The following DOCK3 variants were observed in gnomAD, a reference collection of about 807,000 sequenced individuals.
DOCK3 encodes dedicator of cytokinesis 3.
Under a neutral mutation model 265.6 loss-of-function variants are expected in DOCK3, and 60 were observed. The ratio of observed to expected loss-of-function variants is 0.23; its 90% CI spans 0.18 to 0.28. The LOEUF (loss-of-function observed/expected upper bound fraction) is 0.28. DOCK3 is among the 10% of genes least tolerant of loss of function. The pLI is 1.00. For synonymous variants in DOCK3, 881 were observed against 938.0 expected (o/e 0.94, Z 1.11); for missense variants, 1,981 against 2,594.3 (o/e 0.76, Z 5.14).
intron 44 of DOCK3, among the ~76,000 whole-genome samples, chr3:51,357,464 G>A (rs970007291): frequency 6.6e-6 from 1 of 152,182 alleles, no homozygotes. Context: ...TGGATAAGAG[G>A]CTAGCCCCTA....
At chr3:51,098,325 G>A (rs2082947189) in intron 9 of DOCK3, among the ~76,000 whole-genome samples, 1 of 152,208 alleles carries the variant, frequency 6.6e-6, no homozygotes, top group African/African-American at 2.4e-5. Flanking sequence ...AAAATGTTGG[G>A]ATTACAGGTG....
At chr3:50,693,003 G>A (rs538162707) in intron 1 of DOCK3, among the ~76,000 whole-genome samples, 16 of 152,122 alleles carry the variant, frequency 1.1e-4, no homozygotes, top group Admixed American at 2.6e-4. Context: ...TCATTAAATG[G>A]TCTTGGCACC....
intron 22 of DOCK3, among the ~76,000 whole-genome samples, chr3:51,259,095 G>A (rs900400762): frequency 6.6e-6 from 1 of 152,080 alleles, no homozygotes; most frequent in African/African-American, 2.4e-5. Flanking sequence ...TAGAACAGAG[G>A]GTGTAGCATT....
chr3:50,812,347 C>T (rs1299281013), intron 2 of DOCK3, among the ~76,000 whole-genome samples: 1 of 152,136 alleles, frequency 6.6e-6, no homozygotes. Context: ...CTCTTAAAGC[C>T]CAACTCCCAT....
chr3:51,357,654 G>A (rs2086453681), intron 44 of DOCK3, 104 bp from the exon 45 acceptor site: 3 of 1,085,590 alleles, frequency 2.8e-6, no homozygotes, highest in Non-Finnish European at 4.1e-6. Context: ...TGAGGAGACA[G>A]CCTGGCTGCT....
intron 5 of DOCK3, among the ~76,000 whole-genome samples, chr3:50,976,923 T>G (rs1292083242): frequency 6.6e-6 from 1 of 150,854 alleles, no homozygotes; most frequent in Non-Finnish European, 1.5e-5. Context: ...CTTTTGATCT[T>G]TATTGGTTTA....
At chr3:51,002,236 A>G (rs1282239817) in intron 5 of DOCK3, among the ~76,000 whole-genome samples, 1 of 152,162 alleles carries the variant, frequency 6.6e-6, no homozygotes, top group African/African-American at 2.4e-5. Context: ...GGCATGAGCT[A>G]TTGTACCCAG....
At chr3:51,297,117 C>CAAAAAAAAAA (rs71633066) in intron 27 of DOCK3, among the ~76,000 whole-genome samples, 2 of 65,908 alleles carry the variant, frequency 3.0e-5, no homozygotes, top group African/African-American at 1.4e-4. Context: ...GACTCTGTCT[C>CAAAAAAAAAA]AAAAAAAAAA....
intron 5 of DOCK3, among the ~76,000 whole-genome samples, chr3:51,018,029 T>C (rs2079427020): frequency 6.6e-6 from 1 of 151,394 alleles, no homozygotes; most frequent in Non-Finnish European, 1.5e-5. Flanking sequence ...AGTACCTGGA[T>C]TACAGGTGCC....
rs2086662531 is a variant in DOCK3 at position 51,360,584 on chromosome 3, C to T, written c.4958C>T (p.Ser1653Phe). 3 of 1,613,764 alleles carry T rather than the reference C, an allele frequency of 1.9e-6. No homozygotes were observed. Among genetic ancestry groups the T allele is most frequent in the Non-Finnish European group, 1.7e-6 (2 of 1,179,818 alleles). The change falls in exon 47 of 53, where the codon TCC becomes TTC. Residue 1653 changes from serine to phenylalanine, a missense_variant. Ser to Phe is a radical substitution (Grantham distance 155). Coordinates refer to ENST00000266037, the MANE Select transcript of DOCK3 (RefSeq NM_004947.5). ...ACCCCACGGGGAAATGTTCTGGCAT[C>T]CCATAGCCCCATGAGTCCGGAGAGC... ...TSTPRGNVLA[S>F]HSPMSPESIK...
At chr3:51,276,896 T>C (rs2080846872) in intron 25 of DOCK3, among the ~76,000 whole-genome samples, 1 of 152,154 alleles carries the variant, frequency 6.6e-6, no homozygotes, top group African/African-American at 2.4e-5. Flanking sequence ...AAGTCTATAA[T>C]AGGATAATAG....
At chr3:51,064,658 A>T in intron 6 of DOCK3, 62 bp downstream of exon 6, 1 of 1,577,940 alleles carries the variant, frequency 6.3e-7, no homozygotes. Flanking sequence ...GTCTTCAGGG[A>T]GTTTGCACCT....
intron 3 of DOCK3, among the ~76,000 whole-genome samples, chr3:50,845,534 G>T (rs2046038697): frequency 6.6e-6 from 1 of 152,138 alleles, no homozygotes; most frequent in Admixed American, 6.5e-5. Context: ...AAGGCATAGT[G>T]CAGGAGAGAG....
At chr3:51,121,387 G>A (rs12485331) in intron 9 of DOCK3, among the ~76,000 whole-genome samples, 10,911 of 152,136 alleles carry the variant, frequency 0.072, 983 homozygotes, top group East Asian at 0.33. Flanking sequence ...AAATCACCCC[G>A]CTTCTGCATT....
intron 27 of DOCK3, among the ~76,000 whole-genome samples, chr3:51,303,032 TC>T (rs1385026009): frequency 1.3e-5 from 2 of 152,196 alleles, no homozygotes; most frequent in Non-Finnish European, 2.9e-5. Context: ...TTGGTTCTGT[TC>T]TCCCTGTCTC....
intron 6 of DOCK3, 27 bp from the exon 7 acceptor site, chr3:51,075,329 A>T: frequency 6.3e-7 from 1 of 1,584,902 alleles, no homozygotes; most frequent in Non-Finnish European, 8.6e-7. Context: ...TACATGGCAT[A>T]CTGAGTGTGG....
intron 1 of DOCK3, among the ~76,000 whole-genome samples, chr3:50,745,165 C>G (rs1328214228): frequency 6.6e-6 from 1 of 152,078 alleles, no homozygotes; most frequent in Non-Finnish European, 1.5e-5. Context: ...CCTGTCTCAG[C>G]CTCCCAAGTA....
At chr3:50,783,321 A>C (rs2042021389) in intron 2 of DOCK3, among the ~76,000 whole-genome samples, 1 of 151,628 alleles carries the variant, frequency 6.6e-6, no homozygotes, top group Non-Finnish European at 1.5e-5. Context: ...TCTTTTCACC[A>C]CATCCGTGCC....
intron 1 of DOCK3, among the ~76,000 whole-genome samples, chr3:50,719,074 G>A (rs2037311219): frequency 6.6e-6 from 1 of 152,044 alleles, no homozygotes; most frequent in Non-Finnish European, 1.5e-5. Flanking sequence ...GTGAGCCACT[G>A]CACCCGGCTG....
Sources: gnomAD v4.1 joint callset for allele counts (sites outside exome capture counted in the v4.1 genomes callset) on GRCh38, gnomAD v4.1.1 for gene constraint, MANE v1.5 for transcripts, NCBI Gene and HGNC (gene_info 2026-07-23, HGNC 2026-07-21) for gene names.